The following EYS variants were observed in gnomAD, a reference collection of about 807,000 sequenced individuals.
The protein encoded by EYS is EGF-like photoreceptor maintenance factor, also known as protein eyes shut homolog.
EYS carries 250 observed loss-of-function variants against 282.1 expected under a neutral mutation model. That is an observed-to-expected ratio of 0.89 (90% confidence interval 0.80 to 0.98). The LOEUF is 0.98. EYS is among the 50% of genes least tolerant of loss of function. EYS has a pLI of 0.00. For missense variants in EYS, 4,016 were observed against 3,709.0 expected (o/e 1.08, Z -2.15); for synonymous variants, 1,355 against 1,282.9 (o/e 1.06, Z -1.20).
intron 41 of EYS, among the ~76,000 whole-genome samples, chr6:63,734,897 A>G (rs1263705136): frequency 6.6e-6 from 1 of 152,144 alleles, no homozygotes; most frequent in Non-Finnish European, 1.5e-5. Context: ...AAACAACACA[A>G]TCAACATGTT....
At chr6:64,550,172 T>C (rs985175552) in intron 26 of EYS, among the ~76,000 whole-genome samples, 4 of 152,182 alleles carry the variant, frequency 2.6e-5, no homozygotes, top group Non-Finnish European at 5.9e-5. Context: ...GTCTTTGCTA[T>C]TGTGAATAGT....
At chr6:65,522,582 T>C (rs1191298431) in intron 2 of EYS, among the ~76,000 whole-genome samples, 2 of 152,196 alleles carry the variant, frequency 1.3e-5, no homozygotes, top group East Asian at 1.9e-4. Flanking sequence ...GAAATATGTA[T>C]GCATATTTTT....
intron 1 of EYS, among the ~76,000 whole-genome samples, chr6:65,701,626 G>A (rs906047551): frequency 1.3e-5 from 2 of 151,966 alleles, no homozygotes; most frequent in African/African-American, 4.8e-5. Context: ...TGAATTATCT[G>A]GATAGCTTTT....
chr6:65,342,186 A>T (rs2150318447), intron 10 of EYS, among the ~76,000 whole-genome samples: 1 of 151,268 alleles, frequency 6.6e-6, no homozygotes, highest in African/African-American at 2.4e-5. Context: ...TTTATTTAAA[A>T]AGGACTCATG....
chr6:63,875,091 T>G (rs1180911521), intron 35 of EYS, among the ~76,000 whole-genome samples: 2 of 152,344 alleles, frequency 1.3e-5, no homozygotes, highest in South Asian at 4.1e-4. Context: ...CCATTCAGTA[T>G]GATATTGGCT....
At chr6:63,991,493 T>C (rs779218956) in intron 34 of EYS, among the ~76,000 whole-genome samples, 2 of 151,504 alleles carry the variant, frequency 1.3e-5, no homozygotes, top group East Asian at 1.9e-4. Flanking sequence ...AGTGAAACTA[T>C]CAAAAAAGAG....
chr6:65,186,380 T>C (rs955789197), intron 12 of EYS, among the ~76,000 whole-genome samples: 12 of 151,868 alleles, frequency 7.9e-5, no homozygotes, highest in African/African-American at 2.2e-4. Flanking sequence ...TCTTTAGGCA[T>C]GTAGAGGTCT....
rs1327503547 is a variant in EYS at position 64,071,359 on chromosome 6, A to G, written c.6572-4868T>C. On this transcript the variant is annotated intron_variant, in intron 32 of 42. Transcript: ENST00000503581. ...ACATGATTCCTGACTATACTAATGC[A>G]TGTTAATTTTCTGATGAAATGAAAT... 2.6e-5 allele frequency among the ~76,000 whole-genome samples: 4 copies of G among 152,080 alleles called. No homozygotes were observed. In the East Asian group the frequency reaches 7.8e-4, roughly 30 times the overall value.
At chr6:64,336,851 T>A (rs1317775812) in intron 29 of EYS, among the ~76,000 whole-genome samples, 1 of 151,998 alleles carries the variant, frequency 6.6e-6, no homozygotes, top group Non-Finnish European at 1.5e-5. Flanking sequence ...TACATGGAAA[T>A]TAAATAACCT....
intron 22 of EYS, among the ~76,000 whole-genome samples, chr6:64,755,497 T>TACACACAC (rs56705165): frequency 3.5e-4 from 49 of 138,996 alleles, no homozygotes; most frequent in African/African-American, 1.2e-3. Context: ...AGAACATACA[T>TACACACAC]ACACACACAC....
At chr6:65,262,763 CA>C (rs1342287141) in intron 12 of EYS, among the ~76,000 whole-genome samples, 1 of 151,992 alleles carries the variant, frequency 6.6e-6, no homozygotes, top group Non-Finnish European at 1.5e-5. Flanking sequence ...TAGTTAGGTT[CA>C]TTTAAAGCTC....
At chr6:64,071,014 A>G (rs148988099) in intron 32 of EYS, among the ~76,000 whole-genome samples, 74 of 152,062 alleles carry the variant, frequency 4.9e-4, no homozygotes, top group African/African-American at 1.8e-3. Context: ...GCTTACCTCC[A>G]CTTAAAAGGA....
chr6:64,938,411 GTAGT>G (rs745757877), intron 15 of EYS, among the ~76,000 whole-genome samples: 186 of 151,536 alleles, frequency 1.2e-3, no homozygotes, highest in Middle Eastern at 3.4e-3. Context: ...TATTTAATTA[GTAGT>G]TATTGTTGTT....
intron 12 of EYS, among the ~76,000 whole-genome samples, chr6:65,264,676 T>G (rs1582078862): frequency 6.6e-6 from 1 of 152,138 alleles, no homozygotes; most frequent in South Asian, 2.1e-4. Flanking sequence ...TACTGGTTGT[T>G]TATTTTTCTC....
At chr6:64,439,398 C>T in intron 26 of EYS, 46 bp from the exon 27 acceptor site, 1 of 1,253,390 alleles carries the variant, frequency 8.0e-7, no homozygotes, top group African/African-American at 1.6e-5. Flanking sequence ...AATAAATATT[C>T]AATACCTAGG....
chr6:64,118,882 G>T (rs760588874), intron 31 of EYS, among the ~76,000 whole-genome samples: 1 of 151,950 alleles, frequency 6.6e-6, no homozygotes, highest in Non-Finnish European at 1.5e-5. Flanking sequence ...ATTTTAAAAT[G>T]GGCAAATGAT....
intron 26 of EYS, among the ~76,000 whole-genome samples, chr6:64,515,126 C>A (rs2150521824): frequency 6.6e-6 from 1 of 151,716 alleles, no homozygotes; most frequent in Non-Finnish European, 1.5e-5. Context: ...AATTTGATAG[C>A]AAATTTGTGT....
intron 31 of EYS, among the ~76,000 whole-genome samples, chr6:64,160,752 TA>T (rs1775079678): frequency 6.6e-6 from 1 of 152,226 alleles, no homozygotes; most frequent in South Asian, 2.1e-4. Flanking sequence ...AATACATTTT[TA>T]AAAGGAGGTG....
intron 10 of EYS, 62 bp from the exon 11 acceptor site, chr6:65,335,208 T>TGTAGTAA: frequency 2.5e-6 from 3 of 1,199,708 alleles, no homozygotes; most frequent in Non-Finnish European, 3.7e-6. Flanking sequence ...ATATTACAAT[T>TGTAGTAA]GTGACCTGAG....
Sources: gnomAD v4.1 joint callset for allele counts (sites outside exome capture counted in the v4.1 genomes callset) on GRCh38, gnomAD v4.1.1 for gene constraint, MANE v1.5 for transcripts, NCBI Gene and HGNC (gene_info 2026-07-23, HGNC 2026-07-21) for gene names.